The following FHIT variants were observed in gnomAD, a reference collection of about 807,000 sequenced individuals.
The protein encoded by FHIT is bis(5'-adenosyl)-triphosphatase.
Under a neutral mutation model 17.9 loss-of-function variants are expected in FHIT, and 19 were observed. The observed-to-expected ratio is 1.06, with a 90% CI of 0.74 to 1.56. The LOEUF (loss-of-function observed/expected upper bound fraction) is 1.56, where lower values mean the gene tolerates loss of function less well. FHIT is among the 40% of genes most tolerant of loss of function. FHIT has a pLI of 0.00. For synonymous variants in FHIT, 81 were observed against 69.7 expected (o/e 1.16, Z -0.81); for missense variants, 248 against 189.2 (o/e 1.31, Z -1.82).
intron 5 of FHIT, among the ~76,000 whole-genome samples, chr3:60,463,220 A>C (rs2032582003): frequency 6.6e-6 from 1 of 152,168 alleles, no homozygotes; most frequent in Non-Finnish European, 1.5e-5. Context: ...GTGTTATTTC[A>C]TGTAAATGTT....
chr3:61,081,090 C>G (rs113675482), intron 2 of FHIT, among the ~76,000 whole-genome samples: 1 of 152,100 alleles, frequency 6.6e-6, no homozygotes, highest in Non-Finnish European at 1.5e-5. Context: ...TGGGCCCTAG[C>G]AAATCTCCTA....
intron 5 of FHIT, among the ~76,000 whole-genome samples, chr3:60,312,081 C>T (rs1249515351): frequency 6.6e-6 from 1 of 152,150 alleles, no homozygotes; most frequent in African/African-American, 2.4e-5. Flanking sequence ...AGGGTAAACA[C>T]TGTTTGGTGA....
intron 5 of FHIT, among the ~76,000 whole-genome samples, chr3:60,435,124 C>G (rs1576647775): frequency 1.3e-5 from 2 of 152,252 alleles, no homozygotes; most frequent in East Asian, 3.9e-4. Flanking sequence ...CATTAGCATG[C>G]ACAGCCTTTT....
chr3:60,896,592 TC>T (rs1378011410), intron 3 of FHIT, among the ~76,000 whole-genome samples: 21 of 152,162 alleles, frequency 1.4e-4, no homozygotes, highest in African/African-American at 5.1e-4. Context: ...TGTATAAAGT[TC>T]AAGATTTCTT....
chr3:61,018,145 A>G (rs988869472), intron 3 of FHIT, among the ~76,000 whole-genome samples: 2 of 152,216 alleles, frequency 1.3e-5, no homozygotes, highest in African/African-American at 4.8e-5. Flanking sequence ...TATTATACAG[A>G]TAGTCAAACA....
chr3:60,254,872 C>G (rs888766179), intron 5 of FHIT, among the ~76,000 whole-genome samples: 9 of 152,114 alleles, frequency 5.9e-5, no homozygotes, highest in Non-Finnish European at 1.2e-4. Context: ...TTTGATGTGA[C>G]TTTTTGTTAT....
chr3:59,982,958 A>AT lies in FHIT; in HGVS notation c.279+28412dup, dbSNP rs891127737. On this transcript the variant is annotated intron_variant, in intron 7 of 9. Transcript: ENST00000492590. Reference sequence around the variant, plus strand: ...TGCATTAGCCAGGATTCTTTTTTTGATTTTTTTTTTCATTCTGTTGCCCAG... The same window carrying AT: ...TGCATTAGCCAGGATTCTTTTTTTGATTTTTTTTTTTCATTCTGTTGCCCAG... 1.4e-3 allele frequency among the ~76,000 whole-genome samples: 213 copies of AT among 150,520 alleles called. 1 individual carries two copies. Among genetic ancestry groups the AT allele is most frequent in the African/African-American group, 4.7e-3 (192 of 40,970 alleles).
chr3:60,029,586 T>C (rs1700895952), intron 5 of FHIT, among the ~76,000 whole-genome samples: 1 of 152,170 alleles, frequency 6.6e-6, no homozygotes, highest in Non-Finnish European at 1.5e-5. Context: ...CAAAGTTCTC[T>C]TTTGTTTCCC....
At chr3:61,046,699 T>C (rs551091721) in intron 2 of FHIT, among the ~76,000 whole-genome samples, 12 of 152,238 alleles carry the variant, frequency 7.9e-5, no homozygotes, top group African/African-American at 2.9e-4. Flanking sequence ...AAAAAGAGAC[T>C]TTTAGACCAA....
intron 3 of FHIT, among the ~76,000 whole-genome samples, chr3:60,946,706 T>C (rs1304537190): frequency 6.6e-6 from 1 of 152,074 alleles, no homozygotes; most frequent in Non-Finnish European, 1.5e-5. Context: ...AGGAACTGTC[T>C]AGAAGTGACA....
intron 2 of FHIT, among the ~76,000 whole-genome samples, chr3:61,043,483 A>T (rs1025355683): frequency 2.0e-5 from 3 of 152,192 alleles, no homozygotes; most frequent in African/African-American, 7.2e-5. Context: ...CAGAAACTCA[A>T]ACTGGGTGGA....
intron 8 of FHIT, among the ~76,000 whole-genome samples, chr3:59,865,190 A>C (rs765510318): frequency 4.6e-5 from 7 of 152,276 alleles, no homozygotes; most frequent in Non-Finnish European, 5.9e-5. Flanking sequence ...TGGGTTATCA[A>C]ACTTAAAAGC....
At chr3:60,213,180 TAGAG>T (rs1028819015) in intron 5 of FHIT, among the ~76,000 whole-genome samples, 7 of 152,148 alleles carry the variant, frequency 4.6e-5, no homozygotes, top group East Asian at 1.9e-4. Flanking sequence ...ATTCCAATGA[TAGAG>T]AGAACATGAG....
intron 8 of FHIT, among the ~76,000 whole-genome samples, chr3:59,808,084 CT>C (rs1700272921): frequency 6.6e-6 from 1 of 150,382 alleles, no homozygotes; most frequent in Non-Finnish European, 1.5e-5. Flanking sequence ...GGTAACTCCC[CT>C]TTCCCCTACC....
intron 1 of FHIT, among the ~76,000 whole-genome samples, chr3:61,231,222 C>T (rs74938878): frequency 2.7e-3 from 405 of 152,250 alleles, no homozygotes; most frequent in Non-Finnish European, 4.6e-3. Context: ...GGGTTGTGTG[C>T]AATGGCTCAT....
intron 4 of FHIT, among the ~76,000 whole-genome samples, chr3:60,731,155 A>T (rs1275437837): frequency 1.3e-5 from 2 of 151,996 alleles, no homozygotes; most frequent in African/African-American, 2.4e-5. Context: ...AAATAAAAAT[A>T]AAAAATAAAA....
chr3:60,538,298 A>C (rs1559522825), intron 4 of FHIT, among the ~76,000 whole-genome samples: 1 of 152,222 alleles, frequency 6.6e-6, no homozygotes, highest in Non-Finnish European at 1.5e-5. Flanking sequence ...GAGGACACAA[A>C]CAAATGGAAG....
intron 5 of FHIT, among the ~76,000 whole-genome samples, chr3:60,359,606 C>T (rs1020058587): frequency 7.2e-5 from 11 of 152,152 alleles, no homozygotes; most frequent in African/African-American, 9.7e-5. Flanking sequence ...TTTTCGAATT[C>T]TGTGACAGCC....
chr3:60,639,343 T>C (rs1397062918), intron 4 of FHIT, among the ~76,000 whole-genome samples: 1 of 152,072 alleles, frequency 6.6e-6, no homozygotes, highest in African/African-American at 2.4e-5. Flanking sequence ...CCCCTTGAGA[T>C]ATTTGCAAAT....
Sources: allele counts gnomAD v4.1 joint callset (sites outside exome capture counted in the v4.1 genomes callset), GRCh38; gene constraint gnomAD v4.1.1; transcripts MANE v1.5; gene names NCBI Gene and HGNC (gene_info 2026-07-23, HGNC 2026-07-21).